SCLT1: variants seen among roughly 807,000 people sequenced by gnomAD.
SCLT1 encodes the protein sodium channel and clathrin linker 1.
SCLT1 carries 78 observed loss-of-function variants against 112.8 expected under a neutral mutation model. The observed-to-expected ratio is 0.69, with a 90% confidence interval of 0.58 to 0.83. The LOEUF (loss-of-function observed/expected upper bound fraction) is 0.83. Ranked by LOEUF, SCLT1 falls within the 40% of genes least tolerant of loss-of-function variation. SCLT1 has a pLI of 0.00. For synonymous variants in SCLT1, 257 were observed against 254.7 expected (o/e 1.01, Z -0.09); for missense variants, 747 against 770.4 (o/e 0.97, Z 0.36).
chr4:128,968,163 T>C (rs1252918019), intron 10 of SCLT1, among the ~76,000 whole-genome samples: 1 of 152,218 alleles, frequency 6.6e-6, no homozygotes, highest in Non-Finnish European at 1.5e-5. Flanking sequence ...TTTAATTTTT[T>C]TCTGCTCCCA....
At chr4:129,008,244 C>G (rs1057397579) in intron 5 of SCLT1, among the ~76,000 whole-genome samples, 1 of 152,162 alleles carries the variant, frequency 6.6e-6, no homozygotes, top group Non-Finnish European at 1.5e-5. Flanking sequence ...CAGTTTTCAT[C>G]TGAAAATGTA....
intron 5 of SCLT1, among the ~76,000 whole-genome samples, chr4:129,005,361 T>G (rs1340040632): frequency 6.6e-6 from 1 of 152,214 alleles, no homozygotes; most frequent in East Asian, 1.9e-4. Context: ...TCAGAAACAC[T>G]GAGAATTAAA....
At chr4:128,873,770 G>C (rs941660734) in intron 5 of SCLT1, 3 of 152,470 alleles carry the variant, frequency 2.0e-5, no homozygotes, top group African/African-American at 4.8e-5. Flanking sequence ...TTATACATCT[G>C]TTTCCATATG....
downstream of SCLT1, among the ~76,000 whole-genome samples, chr4:128,880,696 A>T (rs1732619066): frequency 6.6e-6 from 1 of 152,240 alleles, no homozygotes; most frequent in African/African-American, 2.4e-5. Flanking sequence ...GCATTAATGG[A>T]AGTGTAAACT....
intron 1 of SCLT1, among the ~76,000 whole-genome samples, chr4:129,088,505 A>G (rs558717856): frequency 5.4e-4 from 82 of 152,324 alleles, no homozygotes; most frequent in African/African-American, 1.9e-3. Flanking sequence ...ACTGTACCAG[A>G]GATTCTAGCC....
chr4:128,998,281 C>T (rs1743179920), intron 7 of SCLT1, among the ~76,000 whole-genome samples: 1 of 151,664 alleles, frequency 6.6e-6, no homozygotes, highest in South Asian at 2.1e-4. Context: ...AGACCTTGTC[C>T]AATATTGGAA....
chr4:129,069,812 T>TGG (rs574790327), intron 2 of SCLT1, among the ~76,000 whole-genome samples: 7 of 152,146 alleles, frequency 4.6e-5, no homozygotes, highest in African/African-American at 1.4e-4. Context: ...GTGGTAAGAG[T>TGG]GGGCATCCTC....
chr4:129,068,817 C>T (rs555671049), intron 2 of SCLT1, among the ~76,000 whole-genome samples: 3 of 152,138 alleles, frequency 2.0e-5, no homozygotes, highest in South Asian at 4.1e-4. Context: ...ATTGCATTTG[C>T]TTTTGGGTTC....
At chr4:129,086,375 T>C (rs1030875745) in intron 1 of SCLT1, among the ~76,000 whole-genome samples, 45 of 152,244 alleles carry the variant, frequency 3.0e-4, no homozygotes, top group African/African-American at 9.9e-4. Flanking sequence ...TTTACTAATA[T>C]TTTATTTTGG....
intron 3 of SCLT1, among the ~76,000 whole-genome samples, chr4:128,877,636 G>T (rs1732551278): frequency 6.6e-6 from 1 of 151,914 alleles, no homozygotes; most frequent in South Asian, 2.1e-4. Flanking sequence ...AGCTGAGATT[G>T]TGCCACTGCC....
chr4:129,020,276 A>T (rs1745349037), intron 5 of SCLT1, among the ~76,000 whole-genome samples: 1 of 152,100 alleles, frequency 6.6e-6, no homozygotes, highest in African/African-American at 2.4e-5. Flanking sequence ...GTCCTCCATA[A>T]ATACACTCTT....
intron 1 of SCLT1, among the ~76,000 whole-genome samples, chr4:129,087,807 A>G (rs992278009): frequency 6.6e-6 from 1 of 151,326 alleles, no homozygotes; most frequent in African/African-American, 2.4e-5. Flanking sequence ...AAAAACCTTC[A>G]TAGGTTGGGC....
chr4:128,933,405 C>T (rs1736930659), intron 18 of SCLT1, among the ~76,000 whole-genome samples: 1 of 151,938 alleles, frequency 6.6e-6, no homozygotes, highest in African/African-American at 2.4e-5. Context: ...ATTTATTGCA[C>T]ATATTCTTTT....
At chr4:129,006,531 CTG>C in intron 5 of SCLT1, among the ~76,000 whole-genome samples, 1 of 66,386 alleles carries the variant, frequency 1.5e-5, no homozygotes, top group East Asian at 4.6e-4. Flanking sequence ...GAGCAAGACT[CTG>C]TCTCAAAAAA....
At chr4:129,033,160 C>G (rs929652514) in intron 5 of SCLT1, among the ~76,000 whole-genome samples, 12 of 151,950 alleles carry the variant, frequency 7.9e-5, no homozygotes, top group African/African-American at 2.9e-4. Flanking sequence ...ACTATGCAGC[C>G]ATAAAAAAGA....
At chr4:129,077,479 A>G (rs1455107901) in intron 2 of SCLT1, among the ~76,000 whole-genome samples, 1 of 152,154 alleles carries the variant, frequency 6.6e-6, no homozygotes, top group African/African-American at 2.4e-5. Context: ...GACTTTCACT[A>G]TATTTGACAC....
In SCLT1 at chr4:129,023,845, C is replaced by T. The variant is rs539780218; in HGVS notation, c.290+15196G>A. Among the ~76,000 whole-genome samples the T allele has an allele frequency of 3.3e-5, 5 of 152,320 alleles. No homozygotes were observed. In the East Asian group the frequency reaches 9.7e-4, roughly 30 times the overall value. ...GGGTCACTCCCACCCTAATACTGCG[C>T]TTTTCCGACGGGCTTAGAAAATGGC... is the stretch of plus-strand genomic sequence containing the variant. On this transcript the variant is annotated intron_variant, in intron 5 of 20. Transcript: ENST00000281142.
intron 5 of SCLT1, chr4:129,037,244 T>TG (rs1002298379): frequency 2.0e-5 from 3 of 152,198 alleles, no homozygotes; most frequent in African/African-American, 7.2e-5. Context: ...ATGTGTTGTA[T>TG]GAACCACTGG....
intron 2 of SCLT1, among the ~76,000 whole-genome samples, chr4:129,049,809 G>T (rs1421487063): frequency 6.6e-6 from 1 of 151,900 alleles, no homozygotes; most frequent in Non-Finnish European, 1.5e-5. Context: ...TGCCATGGTG[G>T]TTTGCTGCAC....
Sources: allele counts gnomAD v4.1 joint callset (sites outside exome capture counted in the v4.1 genomes callset), GRCh38; gene constraint gnomAD v4.1.1; transcripts MANE v1.5; gene names NCBI Gene and HGNC (gene_info 2026-07-23, HGNC 2026-07-21).